Variants in SUMO2 observed in about 807,000 individuals in gnomAD.
The protein encoded by SUMO2 is small ubiquitin-related modifier 2.
A neutral mutation model predicts 16.0 loss-of-function variants in SUMO2; 1 was observed. That is an observed-to-expected ratio of 0.06 (90% CI 0.02 to 0.30). The LOEUF is 0.30. SUMO2 is among the 10% of genes least tolerant of loss of function. SUMO2 has a pLI of 1.00. For missense variants in SUMO2, 16 were observed against 117.5 expected (o/e 0.14, Z 3.99); for synonymous variants, 36 against 40.6 (o/e 0.89, Z 0.43).
intron 2 of SUMO2, among the ~76,000 whole-genome samples, chr17:75,177,002 G>C (rs908242634): frequency 6.6e-6 from 1 of 151,770 alleles, no homozygotes; most frequent in Non-Finnish European, 1.5e-5. Flanking sequence ...GTCCAACATG[G>C]TGAAACCCCG....
rs946988422 is a variant in SUMO2, at chr17:75,166,056, T to C, written c.*2283A>G. ...AAAACAAAAACAAAAACAAAAACTG[T>C]AGTGGTTGGGCATGGGGTCTAACAC... On this transcript the variant is annotated 3_prime_UTR_variant, in exon 4 of 4. Coordinates refer to ENST00000420826, the MANE Select transcript of SUMO2 (RefSeq NM_006937.4). 6.6e-6 allele frequency: 1 copy of C among 152,416 alleles called. No homozygotes were observed. Among genetic ancestry groups the C allele is most frequent in the East Asian group, 1.9e-4 (1 of 5,210 alleles). The allele number at this position is 152,416 out of a possible 1,614,324, so 9.4% of individuals were successfully genotyped here.
chr17:75,171,461 C>T (rs535013415), intron 3 of SUMO2, among the ~76,000 whole-genome samples: 64 of 151,842 alleles, frequency 4.2e-4, no homozygotes, highest in African/African-American at 1.4e-3. Context: ...TTGCAGTGAG[C>T]TGAGATCACG....
rs189264719 is a variant in SUMO2, at chr17:75,170,322, A to G, written c.226-1921T>C. Among the ~76,000 whole-genome samples the G allele has an allele frequency of 9.8e-5, 15 of 152,286 alleles. No individual in the cohort carries two copies. In the East Asian group the frequency reaches 2.9e-3, roughly 29 times the overall value. ...CGCCGGGGCTCACGCCTATAATCCC[A>G]ACACTTTGGGAGGCCAAGGTGGGCG... On this transcript the variant is annotated intron_variant, in intron 3 of 3. Transcript: ENST00000420826.
chr17:75,178,116 A>AT (rs1441032578), intron 2 of SUMO2, among the ~76,000 whole-genome samples: 2 of 151,748 alleles, frequency 1.3e-5, no homozygotes, highest in Non-Finnish European at 2.9e-5. Flanking sequence ...CATGATCATA[A>AT]TCCTCCCACT....
At position 75,168,246 on chromosome 17, in the gene SUMO2, G is replaced by A; in HGVS notation, c.*93C>T. On this transcript the variant is annotated 3_prime_UTR_variant, in exon 4 of 4. Coordinates refer to ENST00000420826, the MANE Select transcript of SUMO2 (RefSeq NM_006937.4). The stretch of plus-strand genomic sequence containing the variant: ...GAGAAAACTATACGGTAGTAGTCAG[G>A]ATGTGGTGGAACCAAATTGCAGTTT... 1 of 909,898 alleles carries A rather than the reference G, an allele frequency of 1.1e-6. No individual in the cohort carries two copies. The highest frequency in any genetic ancestry group is 1.7e-6 in the Non-Finnish European group (1 of 603,016). 56.4% of individuals were successfully genotyped at this position (909,898 alleles called of 1,614,324 possible).
intron 2 of SUMO2, among the ~76,000 whole-genome samples, chr17:75,179,659 GTTTT>G (rs560336347): frequency 1.4e-5 from 2 of 141,596 alleles, no homozygotes; most frequent in Non-Finnish European, 3.1e-5. Flanking sequence ...ACATTCTAAA[GTTTT>G]TTTTTTTTTT....
chr17:75,166,329 G>GC lies in SUMO2; in HGVS notation c.*2009dup, dbSNP rs2074692594. The stretch of plus-strand genomic sequence containing the variant: ...CTTCTCTACTAAAAATACAGAATTA[G>GC]CCAGGTATGATGGTAGATGCTTGTA... On this transcript the variant is annotated 3_prime_UTR_variant, in exon 4 of 4. Transcript: ENST00000420826. 1 of 152,104 alleles carries GC rather than the reference G, an allele frequency of 6.6e-6. No homozygotes were observed. Among genetic ancestry groups the GC allele is most frequent in the Non-Finnish European group, 1.5e-5 (1 of 68,074 alleles). The allele number at this position is 152,104 out of a possible 1,614,324, so 9.4% of individuals were successfully genotyped here.
intron 2 of SUMO2, 41 bp from the exon 3 acceptor site, chr17:75,174,864 A>G (rs1172756099): frequency 1.3e-6 from 2 of 1,553,474 alleles, no homozygotes; most frequent in Non-Finnish European, 1.8e-6. Context: ...ATTAAGAGAA[A>G]CAGAATTCTA....
At chr17:75,171,673 C>A (rs1343341004) in intron 3 of SUMO2, among the ~76,000 whole-genome samples, 3 of 152,068 alleles carry the variant, frequency 2.0e-5, no homozygotes, top group Non-Finnish European at 4.4e-5. Flanking sequence ...CAAATTCAAC[C>A]TGAAGATTTT....
intron 3 of SUMO2, among the ~76,000 whole-genome samples, chr17:75,170,654 G>C (rs913012089): frequency 7.9e-5 from 12 of 151,644 alleles, no homozygotes; most frequent in African/African-American, 2.9e-4. Context: ...TTCGAGACCA[G>C]CCTGGCCAAC....
intron 1 of SUMO2, among the ~76,000 whole-genome samples, chr17:75,182,011 C>T (rs1598230654): frequency 6.6e-6 from 1 of 152,204 alleles, no homozygotes; most frequent in African/African-American, 2.4e-5. Context: ...CAGCAAGTCC[C>T]GTGTGCCCCG....
chr17:75,171,914 T>C (rs866226360), intron 3 of SUMO2, among the ~76,000 whole-genome samples: 1 of 152,006 alleles, frequency 6.6e-6, no homozygotes. Context: ...AGTTTTACAG[T>C]GAAACTGTAA....
intron 2 of SUMO2, among the ~76,000 whole-genome samples, chr17:75,175,695 C>T (rs551108471): frequency 1.2e-4 from 18 of 148,770 alleles, no homozygotes; most frequent in Non-Finnish European, 2.1e-4. Context: ...TGCAGTGGTG[C>T]GATCTTGGCT....
At chr17:75,174,669 GT>G (rs2074767910) in intron 3 of SUMO2, 82 bp downstream of exon 3, 1 of 1,288,256 alleles carries the variant, frequency 7.8e-7, no homozygotes, top group African/African-American at 1.5e-5. Flanking sequence ...TTATACTCCA[GT>G]GTCTAAACGT....
intron 3 of SUMO2, among the ~76,000 whole-genome samples, chr17:75,168,615 T>G (rs1193923058): frequency 1.5e-5 from 2 of 137,274 alleles, no homozygotes; most frequent in Non-Finnish European, 3.4e-5. Context: ...AACTTTTTTG[T>G]TTTTTTTTTG....
chr17:75,168,263 T>A lies in SUMO2; in HGVS notation c.*76A>T. 8.9e-7 allele frequency: 1 copy of A among 1,118,122 alleles called. No homozygotes were observed. Among genetic ancestry groups the A allele is most frequent in the South Asian group, 1.5e-5 (1 of 65,434 alleles). 69.3% of individuals were successfully genotyped at this position (1,118,122 alleles called of 1,614,324 possible). On this transcript the variant is annotated 3_prime_UTR_variant, in exon 4 of 4. Coordinates refer to ENST00000420826, the MANE Select transcript of SUMO2 (RefSeq NM_006937.4). ...GTAGTCAGGATGTGGTGGAACCAAATTGCAGTTTTCTAATTGAGAATGTAA... is the reference window on the plus strand; with the variant it reads ...GTAGTCAGGATGTGGTGGAACCAAAATGCAGTTTTCTAATTGAGAATGTAA...
In SUMO2 at chr17:75,182,707, G is replaced by A. The variant is rs1456018111; in HGVS notation, c.21+107C>T. ...GGCCTGAGCCGCGGCCGGCCCCGTG[G>A]GGGGCCCGGGAAAGCGCTGGGAGCC... On this transcript the variant is annotated intron_variant, in intron 1 of 3. Coordinates refer to ENST00000420826, the MANE Select transcript of SUMO2 (RefSeq NM_006937.4). 3.0e-6 allele frequency: 3 copies of A among 1,009,726 alleles called. No homozygotes were observed. The East Asian group carries it at 1.1e-4, about 37-fold the overall frequency. 62.5% of individuals were successfully genotyped at this position (1,009,726 alleles called of 1,614,324 possible). A position where few individuals can be genotyped will look rare whatever the true frequency, so the allele number is the denominator to read the frequency against.
intron 1 of SUMO2, among the ~76,000 whole-genome samples, chr17:75,181,665 C>G (rs1436080298): frequency 6.6e-6 from 1 of 152,070 alleles, no homozygotes; most frequent in African/African-American, 2.4e-5. Context: ...AGTTTAATAA[C>G]CTAAATCCAA....
At position 75,182,933 on chromosome 17, in the gene SUMO2, A is replaced by C. The variant is rs1351296909; in HGVS notation, c.-99T>G. ...CAGCACCAGGAGCGGCAGAAGAAGG[A>C]GGCGGCAGCGGTGGACGAGGGGAGA... is the stretch of plus-strand genomic sequence containing the variant. On this transcript the variant is annotated 5_prime_UTR_variant, in exon 1 of 4. Transcript: ENST00000420826. 4.6e-6 allele frequency: 5 copies of C among 1,098,472 alleles called. No individual in the cohort carries two copies. Among genetic ancestry groups the C allele is most frequent in the African/African-American group, 3.3e-5 (2 of 60,670 alleles). 68.0% of individuals were successfully genotyped at this position (1,098,472 alleles called of 1,614,324 possible).
Sources: gnomAD v4.1 joint callset for allele counts (sites outside exome capture counted in the v4.1 genomes callset) on GRCh38, gnomAD v4.1.1 for gene constraint, MANE v1.5 for transcripts, NCBI Gene and HGNC (gene_info 2026-07-23, HGNC 2026-07-21) for gene names.